The following PPP2R2B variants were observed in gnomAD, a reference collection of about 807,000 sequenced individuals.
PPP2R2B encodes protein phosphatase 2 regulatory subunit Bbeta.
Under a neutral mutation model 46.0 loss-of-function variants are expected in PPP2R2B, and 5 were observed. The ratio of observed to expected loss-of-function variants is 0.11; its 90% CI spans 0.06 to 0.23. PPP2R2B has a LOEUF of 0.23. PPP2R2B is among the 10% of genes least tolerant of loss of function. PPP2R2B has a pLI of 1.00. For synonymous variants in PPP2R2B, 215 were observed against 206.7 expected (o/e 1.04, Z -0.34); for missense variants, 367 against 575.0 (o/e 0.64, Z 3.70).
At chr5:146,662,361 A>G (rs183929268) in intron 5 of PPP2R2B, among the ~76,000 whole-genome samples, 87 of 152,332 alleles carry the variant, frequency 5.7e-4, no homozygotes, top group Non-Finnish European at 9.1e-4. Flanking sequence ...AGTAATTACT[A>G]GCAACACTTT....
At chr5:146,701,231 G>T in intron 2 of PPP2R2B, 89 bp from the exon 3 acceptor site, 1 of 1,136,704 alleles carries the variant, frequency 8.8e-7, no homozygotes. Context: ...TGCATTTAAG[G>T]GCTTAGGGCT....
chr5:146,693,261 C>T (rs1242975589), intron 4 of PPP2R2B, among the ~76,000 whole-genome samples: 1 of 151,868 alleles, frequency 6.6e-6, no homozygotes, highest in Non-Finnish European at 1.5e-5. Flanking sequence ...GTCACCTAGG[C>T]TGGAGTGCAT....
At chr5:146,591,435 G>GA (rs1770643969) in intron 9 of PPP2R2B, among the ~76,000 whole-genome samples, 1 of 152,124 alleles carries the variant, frequency 6.6e-6, no homozygotes, top group Non-Finnish European at 1.5e-5. Context: ...GCAGGGCGCT[G>GA]AGGGCTTTGC....
chr5:147,035,199 A>T, intron 1 of PPP2R2B: 1 of 445,494 alleles, frequency 2.2e-6, no homozygotes, highest in South Asian at 1.6e-5. Context: ...GTCTCAGGAA[A>T]CTTACAATCA....
intron 2 of PPP2R2B, among the ~76,000 whole-genome samples, chr5:146,735,842 C>T (rs1342531590): frequency 6.6e-6 from 1 of 152,150 alleles, no homozygotes; most frequent in African/African-American, 2.4e-5. Flanking sequence ...TCATCTATTG[C>T]TTGATTTGAT....
chr5:147,040,155 C>T (rs971024777), intron 1 of PPP2R2B, among the ~76,000 whole-genome samples: 3 of 152,086 alleles, frequency 2.0e-5, no homozygotes, highest in African/African-American at 7.2e-5. Flanking sequence ...TTTAAATGAA[C>T]ATTGGGTATC....
rs370230776 is a variant in PPP2R2B at position 146,582,740 on chromosome 5, C to G, written c.*7207G>C. 1.3e-5 allele frequency: 2 copies of G among 152,186 alleles called. No individual in the cohort carries two copies. The highest frequency in any genetic ancestry group is 6.5e-5 in the Admixed American group (1 of 15,282). The allele number at this position is 152,186 out of a possible 1,614,324, so 9.4% of individuals were successfully genotyped here. A position where few individuals can be genotyped will look rare whatever the true frequency, so the allele number is the denominator to read the frequency against. On this transcript the variant is annotated 3_prime_UTR_variant, in exon 10 of 10. Coordinates refer to ENST00000394411, the MANE Select transcript of PPP2R2B (RefSeq NM_181675.4). ...GACAATGTTCTGTGCTCTGGGGATA[C>G]AGGAGTGGCCTAAACAATGATGCAG...
intron 2 of PPP2R2B, among the ~76,000 whole-genome samples, chr5:146,735,502 A>G (rs1417616048): frequency 6.6e-6 from 1 of 152,206 alleles, no homozygotes; most frequent in Non-Finnish European, 1.5e-5. Context: ...GAGCTAATAG[A>G]ATGCTGCAAG....
intron 1 of PPP2R2B, among the ~76,000 whole-genome samples, chr5:147,015,207 C>T (rs1195640745): frequency 1.3e-5 from 2 of 151,898 alleles, no homozygotes; most frequent in African/African-American, 2.4e-5. Context: ...GACTGAACCA[C>T]TTCCAGACCC....
intron 5 of PPP2R2B, among the ~76,000 whole-genome samples, chr5:146,662,163 G>A (rs1169236042): frequency 6.6e-6 from 1 of 152,078 alleles, no homozygotes; most frequent in Non-Finnish European, 1.5e-5. Context: ...GGAATATACA[G>A]AACCAAGAAG....
chr5:147,031,164 G>C (rs1199666060), intron 1 of PPP2R2B, among the ~76,000 whole-genome samples: 1 of 152,052 alleles, frequency 6.6e-6, no homozygotes, highest in Non-Finnish European at 1.5e-5. Context: ...GTGAACCCGG[G>C]AGGCGGAGCT....
intron 2 of PPP2R2B, among the ~76,000 whole-genome samples, chr5:146,791,354 T>C (rs2151294653): frequency 6.6e-6 from 1 of 152,334 alleles, no homozygotes; most frequent in South Asian, 2.1e-4. Context: ...CCTTTTTCTA[T>C]TAAGAAAATA....
chr5:146,628,328 G>A (rs1238737331), intron 7 of PPP2R2B, among the ~76,000 whole-genome samples: 2 of 152,190 alleles, frequency 1.3e-5, no homozygotes, highest in Non-Finnish European at 2.9e-5. Flanking sequence ...GGACAGGAAG[G>A]CTGCTTTGGT....
chr5:146,694,039 A>G (rs1363445877), intron 4 of PPP2R2B, among the ~76,000 whole-genome samples: 5 of 152,132 alleles, frequency 3.3e-5, no homozygotes, highest in Admixed American at 3.3e-4. Context: ...GGGCGGACAG[A>G]TCTTCTAAGC....
chr5:146,960,692 G>A (rs1582502305), intron 1 of PPP2R2B, among the ~76,000 whole-genome samples: 1 of 152,248 alleles, frequency 6.6e-6, no homozygotes, highest in East Asian at 1.9e-4. Flanking sequence ...ATTAGATTCT[G>A]AGCTCTGGTT....
At chr5:147,006,893 A>G (rs1298282021) in intron 1 of PPP2R2B, among the ~76,000 whole-genome samples, 1 of 152,148 alleles carries the variant, frequency 6.6e-6, no homozygotes, top group Non-Finnish European at 1.5e-5. Flanking sequence ...TTACAGGAAA[A>G]GGTTTCCAAA....
intron 2 of PPP2R2B, among the ~76,000 whole-genome samples, chr5:146,743,116 A>G (rs1257189149): frequency 6.6e-6 from 1 of 152,172 alleles, no homozygotes; most frequent in East Asian, 1.9e-4. Flanking sequence ...GCAAACTAAT[A>G]TAGTAATACA....
At chr5:147,064,558 T>C (rs1757363150) in intron 2 of PPP2R2B, among the ~76,000 whole-genome samples, 1 of 152,210 alleles carries the variant, frequency 6.6e-6, no homozygotes, top group African/African-American at 2.4e-5. Context: ...TTAGGCAGCA[T>C]AACGAGGGTA....
chr5:146,908,181 G>C (rs1191779907), intron 1 of PPP2R2B, among the ~76,000 whole-genome samples: 2 of 152,162 alleles, frequency 1.3e-5, no homozygotes, highest in Non-Finnish European at 2.9e-5. Context: ...AAAGTTTTGA[G>C]GGAAACACTT....
Sources: gnomAD v4.1 joint callset for allele counts (sites outside exome capture counted in the v4.1 genomes callset) on GRCh38, gnomAD v4.1.1 for gene constraint, MANE v1.5 for transcripts, NCBI Gene and HGNC (gene_info 2026-07-23, HGNC 2026-07-21) for gene names.